HMCN1: variants seen among roughly 807,000 people sequenced by gnomAD.
HMCN1 encodes the protein hemicentin-1.
In HMCN1, 321 loss-of-function variants were observed where a neutral mutation model predicts 625.9. The ratio of observed to expected loss-of-function variants is 0.51; its 90% CI spans 0.47 to 0.56. The LOEUF (loss-of-function observed/expected upper bound fraction) is 0.56. Ranked by LOEUF, HMCN1 falls within the 20% of genes least tolerant of loss-of-function variation. The probability of loss-of-function intolerance (pLI) is 0.00; values close to 1 mark genes in which losing one functional copy is unlikely to be tolerated. For missense variants in HMCN1, 6,588 were observed against 6,887.3 expected (o/e 0.96, Z 1.54); for synonymous variants, 2,425 against 2,417.6 (o/e 1.00, Z -0.09).
chr1:185,801,284 T>A (rs6425004), intron 1 of HMCN1, among the ~76,000 whole-genome samples: 13,863 of 152,236 alleles, frequency 0.091, 2,040 homozygotes, highest in African/African-American at 0.31. Context: ...ACTTGTGTGC[T>A]AAGAAAAATA....
chr1:186,020,855 G>A (rs1156643794), intron 35 of HMCN1, among the ~76,000 whole-genome samples: 1 of 152,112 alleles, frequency 6.6e-6, no homozygotes, highest in Non-Finnish European at 1.5e-5. Context: ...AAGAGACCAA[G>A]GGAGAGGTGG....
At chr1:185,892,842 G>T (rs751653339) in intron 4 of HMCN1, among the ~76,000 whole-genome samples, 14 of 152,234 alleles carry the variant, frequency 9.2e-5, no homozygotes, top group Non-Finnish European at 1.5e-4. Flanking sequence ...GCTCCACCCA[G>T]TTCGAGCTTC....
chr1:185,904,782 A>G (rs1195844294), intron 4 of HMCN1, among the ~76,000 whole-genome samples: 1 of 151,850 alleles, frequency 6.6e-6, no homozygotes, highest in Non-Finnish European at 1.5e-5. Flanking sequence ...GACTTTAAGA[A>G]GTATCCATCA....
chr1:185,987,719 G>A lies in HMCN1; in HGVS notation c.3048+175G>A, dbSNP rs546589357. On this transcript the variant is annotated intron_variant, in intron 20 of 106. Coordinates refer to ENST00000271588, the MANE Select transcript of HMCN1 (RefSeq NM_031935.3). ...TAGGAACCCTCCAAGAAACCATATA[G>A]ATGCACCTCAGAAGGCTCCCTCGGA... is the stretch of plus-strand genomic sequence containing the variant. Among the ~76,000 whole-genome samples, 5 of 152,242 alleles carry A rather than the reference G, an allele frequency of 3.3e-5. 1 individual carries two copies. In the South Asian group the frequency reaches 1.0e-3, roughly 32 times the overall value.
chr1:186,010,593 C>T (rs1459823549), intron 30 of HMCN1, among the ~76,000 whole-genome samples: 3 of 151,908 alleles, frequency 2.0e-5, no homozygotes, highest in Non-Finnish European at 2.9e-5. Context: ...GGCTGGCCAG[C>T]GATTTATGCA....
chr1:185,865,031 T>G (rs960203021), intron 3 of HMCN1, among the ~76,000 whole-genome samples: 1 of 152,238 alleles, frequency 6.6e-6, no homozygotes, highest in Admixed American at 6.5e-5. Flanking sequence ...CTCAATGGTC[T>G]AAAACAATAA....
chr1:186,144,758 C>G (rs995091257), intron 91 of HMCN1, 55 bp downstream of exon 91: 3 of 1,581,570 alleles, frequency 1.9e-6, no homozygotes, highest in Non-Finnish European at 2.6e-6. Context: ...TTCATTATGA[C>G]TGTAATTCCT....
At chr1:185,892,990 A>T (rs1451947914) in intron 4 of HMCN1, among the ~76,000 whole-genome samples, 1 of 152,112 alleles carries the variant, frequency 6.6e-6, no homozygotes, top group Admixed American at 6.5e-5. Flanking sequence ...CCTCCAAGCC[A>T]GGTGCGGGAT....
At position 185,864,516 on chromosome 1, in the gene HMCN1, C is replaced by T. The variant is rs1663060967; in HGVS notation, c.386C>T (p.Ala129Val). 2 of 1,613,874 alleles carry T rather than the reference C, an allele frequency of 1.2e-6. No individual in the cohort carries two copies. The highest frequency in any genetic ancestry group is 2.2e-5 in the East Asian group (1 of 44,866). The change falls in exon 3 of 107, where the codon GCC becomes GTC. Residue 129 changes from alanine (A) to valine (V), a missense_variant. By Grantham distance (64) the Ala-to-Val change is moderately conservative. Coordinates refer to ENST00000271588, the MANE Select transcript of HMCN1 (RefSeq NM_031935.3). ...ATGAGTATTGGAGCTATAAAAATTG[C>T]CTTGGAAATTTCTCTTCCTGGTTCT... is the stretch of plus-strand genomic sequence containing the variant. ...PEMSIGAIKI[A>V]LEISLPGSFI...
At chr1:185,765,329 GAAGA>G (rs568683530) in intron 1 of HMCN1, among the ~76,000 whole-genome samples, 3 of 152,194 alleles carry the variant, frequency 2.0e-5, no homozygotes, top group South Asian at 2.1e-4. Context: ...GAGAGAGAAA[GAAGA>G]AAGAGAGAGT....
chr1:185,971,433 T>C (rs981882338), intron 15 of HMCN1, among the ~76,000 whole-genome samples: 4 of 152,176 alleles, frequency 2.6e-5, no homozygotes, highest in African/African-American at 9.7e-5. Flanking sequence ...TAGTCAAACA[T>C]AAAACAGAGT....
At chr1:185,803,891 C>A (rs74135346) in intron 1 of HMCN1, among the ~76,000 whole-genome samples, 6,221 of 152,076 alleles carry the variant, frequency 0.041, 412 homozygotes, top group African/African-American at 0.14. Flanking sequence ...AAACTTTAGT[C>A]ATTGCTTTTT....
At chr1:186,168,165 ATAT>A (rs927820617) in intron 100 of HMCN1, among the ~76,000 whole-genome samples, 30 of 151,126 alleles carry the variant, frequency 2.0e-4, no homozygotes, top group African/African-American at 7.3e-4. Context: ...CAGAAGAAAT[ATAT>A]TATTATTCAT....
chr1:185,907,034 AAAGT>A (rs1666135839), intron 4 of HMCN1, among the ~76,000 whole-genome samples: 1 of 150,454 alleles, frequency 6.6e-6, no homozygotes. Context: ...TCTGATTATT[AAAGT>A]ATGTGTTCTA....
At chr1:186,092,982 G>T in intron 64 of HMCN1, 152 bp from the exon 65 acceptor site, 1 of 878,946 alleles carries the variant, frequency 1.1e-6, no homozygotes, top group Non-Finnish European at 1.9e-6. Flanking sequence ...TTCTTATAAG[G>T]AGGTGGTAGA....
At chr1:185,971,607 C>G (rs1650839785) in intron 15 of HMCN1, among the ~76,000 whole-genome samples, 1 of 152,130 alleles carries the variant, frequency 6.6e-6, no homozygotes, top group South Asian at 2.1e-4. Context: ...AAAGTTAGAA[C>G]TGTAAAGAAA....
chr1:185,775,943 C>T (rs1447406006), intron 1 of HMCN1, among the ~76,000 whole-genome samples: 2 of 152,176 alleles, frequency 1.3e-5, no homozygotes, highest in African/African-American at 4.8e-5. Flanking sequence ...TGACAATGCT[C>T]TAATAGGAGC....
At chr1:186,151,474 A>G in intron 94 of HMCN1, 125 bp downstream of exon 94, 1 of 1,255,060 alleles carries the variant, frequency 8.0e-7, no homozygotes, top group East Asian at 2.4e-5. Flanking sequence ...AAACAAACAT[A>G]CATGAGGTAC....
At chr1:185,856,902 C>T (rs17448182) in intron 2 of HMCN1, among the ~76,000 whole-genome samples, 4,587 of 152,224 alleles carry the variant, frequency 0.03, 100 homozygotes, top group Middle Eastern at 0.075. Context: ...TCTCTCTGGT[C>T]CATCATTTGA....
Sources: allele counts gnomAD v4.1 joint callset (sites outside exome capture counted in the v4.1 genomes callset), GRCh38; gene constraint gnomAD v4.1.1; transcripts MANE v1.5; gene names NCBI Gene and HGNC (gene_info 2026-07-23, HGNC 2026-07-21).